TET1: variants seen among roughly 807,000 people sequenced by gnomAD.
TET1 encodes methylcytosine dioxygenase TET1.
Under a neutral mutation model 148.7 loss-of-function variants are expected in TET1, and 13 were observed. That is an observed-to-expected ratio of 0.09 (90% CI 0.06 to 0.14). The LOEUF (loss-of-function observed/expected upper bound fraction) is 0.14, where lower values mean the gene tolerates loss of function less well. TET1 is among the 10% of genes least tolerant of loss of function. The pLI is 1.00. For missense variants in TET1, 2,182 were observed against 2,553.8 expected, an observed-to-expected ratio of 0.85 and a Z score of 3.14; for synonymous variants, 907 against 937.2, an observed-to-expected ratio of 0.97 and a Z score of 0.59.
intron 3 of TET1, among the ~76,000 whole-genome samples, chr10:68,642,858 G>A (rs2054779430): frequency 6.6e-6 from 1 of 152,076 alleles, no homozygotes; most frequent in African/African-American, 2.4e-5. Flanking sequence ...GCTTGTCTAG[G>A]CCTCCCAAAG....
chr10:68,663,010 A>C (rs2055144600), intron 6 of TET1, among the ~76,000 whole-genome samples: 1 of 152,172 alleles, frequency 6.6e-6, no homozygotes, highest in Non-Finnish European at 1.5e-5. Flanking sequence ...TGTTTAAAAA[A>C]CGTTTCTCTT....
intron 9 of TET1, 129 bp from the exon 10 acceptor site, chr10:68,682,707 A>G (rs2055453106): frequency 3.8e-6 from 4 of 1,054,896 alleles, no homozygotes; most frequent in East Asian, 2.5e-5. Flanking sequence ...TGACAATAAT[A>G]CATTTAGTCT....
At chr10:68,578,847 A>G (rs1476244512) in intron 2 of TET1, among the ~76,000 whole-genome samples, 1 of 152,036 alleles carries the variant, frequency 6.6e-6, no homozygotes, top group Non-Finnish European at 1.5e-5. Context: ...CCCAGCCCCA[A>G]AATTTAAAAA....
intron 1 of TET1, among the ~76,000 whole-genome samples, chr10:68,561,529 C>T (rs902326540): frequency 6.6e-6 from 1 of 152,174 alleles, no homozygotes; most frequent in Non-Finnish European, 1.5e-5. Flanking sequence ...CCCCGTCTGG[C>T]GGGATCCCGG....
At chr10:68,569,779 AAAT>A (rs1231204430) in intron 1 of TET1, among the ~76,000 whole-genome samples, 2 of 152,044 alleles carry the variant, frequency 1.3e-5, no homozygotes, top group Non-Finnish European at 2.9e-5. Context: ...TGTTTCAAAA[AAAT>A]AATAATAATA....
At chr10:68,565,475 A>AAAAAATATATATAT (rs1388182777) in intron 1 of TET1, among the ~76,000 whole-genome samples, 5 of 129,228 alleles carry the variant, frequency 3.9e-5, no homozygotes, top group Admixed American at 8.3e-5. Flanking sequence ...AAAAAAAAAA[A>AAAAAATATATATAT]ATATATATAT....
intron 8 of TET1, 44 bp downstream of exon 8, chr10:68,673,089 C>A: frequency 6.4e-7 from 1 of 1,558,682 alleles, no homozygotes; most frequent in Admixed American, 1.7e-5. Flanking sequence ...TTGAATTACA[C>A]ATTGAATATG....
intron 3 of TET1, among the ~76,000 whole-genome samples, chr10:68,619,815 T>C (rs1160752197): frequency 6.6e-6 from 1 of 152,200 alleles, no homozygotes; most frequent in Admixed American, 6.5e-5. Context: ...AGATCACAAA[T>C]ATATTATTCA....
At chr10:68,613,756 G>C (rs1350973341) in intron 3 of TET1, among the ~76,000 whole-genome samples, 1 of 152,086 alleles carries the variant, frequency 6.6e-6, no homozygotes, top group East Asian at 1.9e-4. Context: ...AGCCAACATG[G>C]TGAAACCCTG....
chr10:68,585,569 C>T (rs2053851563), intron 2 of TET1, among the ~76,000 whole-genome samples: 1 of 152,100 alleles, frequency 6.6e-6, no homozygotes, highest in Non-Finnish European at 1.5e-5. Context: ...TCTGTGATCC[C>T]ACCCCCTCAG....
At chr10:68,561,194 T>G (rs1347812015) in intron 1 of TET1, among the ~76,000 whole-genome samples, 7 of 151,844 alleles carry the variant, frequency 4.6e-5, no homozygotes, top group Non-Finnish European at 7.4e-5. Context: ...CTGTGCAAGT[T>G]GTGAGTGGGG....
chr10:68,600,056 G>T, intron 2 of TET1, among the ~76,000 whole-genome samples: 1 of 152,262 alleles, frequency 6.6e-6, no homozygotes, highest in South Asian at 2.1e-4. Flanking sequence ...GCTGCAAAGA[G>T]GTGTGGTTCC....
At chr10:68,623,292 A>G (rs1040964554) in intron 3 of TET1, among the ~76,000 whole-genome samples, 1 of 152,202 alleles carries the variant, frequency 6.6e-6, no homozygotes, top group Non-Finnish European at 1.5e-5. Flanking sequence ...TTGTTCATCA[A>G]TTATTTGTTA....
chr10:68,620,712 A>C (rs753632567), intron 3 of TET1, among the ~76,000 whole-genome samples: 7 of 152,068 alleles, frequency 4.6e-5, no homozygotes, highest in Non-Finnish European at 8.8e-5. Context: ...ACTGGTTCCT[A>C]TGTTAACTCT....
At position 68,686,571 on chromosome 10, in the gene TET1, G is replaced by A. The variant is rs2055513473; in HGVS notation, c.5268G>A (p.Lys1756=). Residue 1756 remains lysine (K), a synonymous_variant, in exon 11 of 12, where the codon AAG becomes AAA. Coordinates refer to ENST00000373644, the MANE Select transcript of TET1 (RefSeq NM_030625.3). ...CTCAGCCTGTTCCCCGTTCTGGAAA[G>A]AAGAGGGCTGCGATGATGACAGAGG... ...CFTQPVPRSG[K]KRAAMMTEVL... 1 of 1,614,190 alleles carries A rather than the reference G, an allele frequency of 6.2e-7. No individual in the cohort carries two copies. The highest frequency in any genetic ancestry group is 8.5e-7 in the Non-Finnish European group (1 of 1,180,050).
intron 3 of TET1, among the ~76,000 whole-genome samples, chr10:68,640,419 G>T (rs924339694): frequency 7.7e-5 from 11 of 142,926 alleles, no homozygotes; most frequent in African/African-American, 2.4e-4. Flanking sequence ...GCCTGCCACC[G>T]TGTCCAGCTA....
At chr10:68,613,097 G>C (rs1271353130) in intron 3 of TET1, among the ~76,000 whole-genome samples, 2 of 152,182 alleles carry the variant, frequency 1.3e-5, no homozygotes, top group African/African-American at 4.8e-5. Context: ...TACAAAATTT[G>C]TGTAATTGCA....
At chr10:68,576,804 C>T (rs1287485166) in intron 2 of TET1, among the ~76,000 whole-genome samples, 1 of 152,096 alleles carries the variant, frequency 6.6e-6, no homozygotes, top group East Asian at 1.9e-4. Flanking sequence ...ATGATCTCGG[C>T]TCCCAAGTTC....
intron 8 of TET1, among the ~76,000 whole-genome samples, chr10:68,680,121 G>C (rs140037187): frequency 3.3e-5 from 5 of 152,114 alleles, no homozygotes; most frequent in Non-Finnish European, 5.9e-5. Context: ...TCACACTTAC[G>C]GTTGCTAAGA....
Sources: allele counts gnomAD v4.1 joint callset (sites outside exome capture counted in the v4.1 genomes callset), GRCh38; gene constraint gnomAD v4.1.1; transcripts MANE v1.5; gene names NCBI Gene and HGNC (gene_info 2026-07-23, HGNC 2026-07-21).